Variants in NSMAF observed in about 807,000 individuals in gnomAD.
NSMAF encodes the protein protein FAN.
A neutral mutation model predicts 134.9 loss-of-function variants in NSMAF; 90 were observed. That is an observed-to-expected ratio of 0.67 (90% confidence interval 0.56 to 0.79). The LOEUF (loss-of-function observed/expected upper bound fraction) is 0.79, where lower values mean the gene tolerates loss of function less well. Ranked by LOEUF, NSMAF falls within the 30% of genes least tolerant of loss-of-function variation. The pLI is 0.00. For missense variants in NSMAF, 1,010 were observed against 1,119.0 expected (o/e 0.90, Z 1.39); for synonymous variants, 358 against 389.6 (o/e 0.92, Z 0.96).
At chr8:58,637,505 T>C (rs1807203496) in intron 2 of NSMAF, 1 of 358,538 alleles carries the variant, frequency 2.8e-6, no homozygotes, top group East Asian at 7.5e-5. Context: ...CAGAGCAATT[T>C]GGCAAGTAAA....
intron 9 of NSMAF, among the ~76,000 whole-genome samples, chr8:58,614,447 C>G (rs1806608709): frequency 6.6e-6 from 1 of 152,206 alleles, no homozygotes; most frequent in African/African-American, 2.4e-5. Context: ...GTTACGGCCA[C>G]CTGGGTGCCA....
chr8:58,589,027 T>TA (rs1805960232), intron 26 of NSMAF, among the ~76,000 whole-genome samples: 4 of 150,458 alleles, frequency 2.7e-5, no homozygotes, highest in Non-Finnish European at 4.4e-5. Context: ...ACACTGTCTC[T>TA]AAAAAAAATA....
chr8:58,659,436 G>T, intron 1 of NSMAF, 137 bp downstream of exon 1: 2 of 1,499,656 alleles, frequency 1.3e-6, no homozygotes, highest in South Asian at 1.3e-5. Context: ...CCCAGCCCAG[G>T]CCCTGGACAC....
intron 26 of NSMAF, chr8:58,588,794 T>C: frequency 1.0e-6 from 1 of 988,802 alleles, no homozygotes; most frequent in Admixed American, 1.7e-5. Flanking sequence ...GAGAGCTAAC[T>C]TGACATTTTC....
intron 11 of NSMAF, among the ~76,000 whole-genome samples, chr8:58,606,954 C>T (rs190297969): frequency 1.6e-3 from 245 of 152,238 alleles, no homozygotes; most frequent in African/African-American, 5.5e-3. Flanking sequence ...CAGCTCTATA[C>T]CCAAAAGAGG....
intron 6 of NSMAF, 57 bp from the exon 7 acceptor site, chr8:58,623,837 G>T (rs892604958): frequency 5.5e-5 from 76 of 1,383,880 alleles, no homozygotes; most frequent in Non-Finnish European, 7.7e-5. Flanking sequence ...GCCAAACTAT[G>T]CTACTTTAAG....
At chr8:58,642,857 T>C in intron 2 of NSMAF, 127 bp downstream of exon 2, 1 of 703,920 alleles carries the variant, frequency 1.4e-6, no homozygotes, top group Non-Finnish European at 2.5e-6. Flanking sequence ...CTAAATAAAA[T>C]TTACTTTAAT....
intron 1 of NSMAF, among the ~76,000 whole-genome samples, chr8:58,645,599 T>A (rs1042908040): frequency 6.6e-6 from 1 of 151,848 alleles, no homozygotes; most frequent in African/African-American, 2.4e-5. Flanking sequence ...GCCTCTAGGA[T>A]GAAAGAACAA....
intron 1 of NSMAF, among the ~76,000 whole-genome samples, chr8:58,657,448 G>T (rs957867341): frequency 6.6e-6 from 1 of 152,164 alleles, no homozygotes; most frequent in Non-Finnish European, 1.5e-5. Flanking sequence ...AGCCAATGAC[G>T]AATCCAATCC....
intron 12 of NSMAF, among the ~76,000 whole-genome samples, chr8:58,605,440 A>AG (rs1806382518): frequency 6.6e-6 from 1 of 152,228 alleles, no homozygotes; most frequent in Non-Finnish European, 1.5e-5. Flanking sequence ...GGATTCTTCA[A>AG]AATCCATTCA....
chr8:58,622,726 A>AT (rs1012943596), intron 9 of NSMAF, among the ~76,000 whole-genome samples: 12 of 151,966 alleles, frequency 7.9e-5, no homozygotes, highest in African/African-American at 2.7e-4. Context: ...CAGAGACAGG[A>AT]TCTCACTATG....
intron 9 of NSMAF, among the ~76,000 whole-genome samples, chr8:58,611,878 G>A (rs1216176067): frequency 1.3e-5 from 2 of 152,078 alleles, no homozygotes; most frequent in African/African-American, 2.4e-5. Flanking sequence ...GAAGAGAATG[G>A]CTGAGAACTG....
intron 18 of NSMAF, 97 bp downstream of exon 18, chr8:58,599,653 T>C (rs1365956379): frequency 7.5e-7 from 1 of 1,342,196 alleles, no homozygotes; most frequent in Non-Finnish European, 1.0e-6. Context: ...GAGAATTATA[T>C]TGTGATTTTT....
intron 29 of NSMAF, 22 bp downstream of exon 29, chr8:58,585,876 C>A (rs1805873827): frequency 1.2e-6 from 2 of 1,603,852 alleles, no homozygotes; most frequent in Admixed American, 1.7e-5. Flanking sequence ...TGTCTTCGCC[C>A]CCAGTAACTC....
chr8:58,619,546 G>C (rs952899159), intron 9 of NSMAF, among the ~76,000 whole-genome samples: 5 of 152,018 alleles, frequency 3.3e-5, no homozygotes, highest in Non-Finnish European at 5.9e-5. Flanking sequence ...TAAATATAAA[G>C]AATCTAAATA....
intron 21 of NSMAF, 36 bp from the exon 22 acceptor site, chr8:58,595,695 T>TG: frequency 7.7e-7 from 1 of 1,300,824 alleles, no homozygotes; most frequent in Non-Finnish European, 1.1e-6. Flanking sequence ...CTAAGTCAAC[T>TG]AAGTTACCAA....
Position 58,595,570 on chromosome 8 carries a change from T to C in NSMAF, c.1882A>G (p.Ile628Val). ...TKLQLHEHYK[I>V]HKEAVTGITV... ...CAGAGATATTCTTACTCTTTGTGGA[T>C]TTTATAGTGCTCGTGTAACTGCAGT... is the stretch of plus-strand genomic sequence containing the variant. The change falls in exon 22 of 31, where the codon ATC becomes GTC. Residue 628 changes from isoleucine to valine, a missense_variant. Ile to Val is a conservative substitution (Grantham distance 29). Coordinates refer to ENST00000038176, the MANE Select transcript of NSMAF (RefSeq NM_003580.4). 1 of 1,612,048 alleles carries C rather than the reference T, an allele frequency of 6.2e-7. No homozygotes were observed. The highest frequency in any genetic ancestry group is 1.1e-5 in the South Asian group (1 of 91,048).
At chr8:58,652,530 C>A (rs979824849) in intron 1 of NSMAF, among the ~76,000 whole-genome samples, 2 of 152,192 alleles carry the variant, frequency 1.3e-5, no homozygotes, top group African/African-American at 4.8e-5. Context: ...ATGAGTGAGC[C>A]AAGGTTCCAT....
At chr8:58,657,381 GA>G (rs1296698809) in intron 1 of NSMAF, among the ~76,000 whole-genome samples, 2 of 149,578 alleles carry the variant, frequency 1.3e-5, no homozygotes, top group African/African-American at 5.1e-5. Context: ...GGTAACCTCT[GA>G]AACAACCCCT....
Sources: gnomAD v4.1 joint callset for allele counts (sites outside exome capture counted in the v4.1 genomes callset) on GRCh38, gnomAD v4.1.1 for gene constraint, MANE v1.5 for transcripts, NCBI Gene and HGNC (gene_info 2026-07-23, HGNC 2026-07-21) for gene names.